The following FBLN5 variants were observed in gnomAD, a reference collection of about 807,000 sequenced individuals.
FBLN5 encodes fibulin-5.
Under a neutral mutation model 61.6 loss-of-function variants are expected in FBLN5, and 24 were observed. The observed-to-expected ratio is 0.39, with a 90% CI of 0.28 to 0.55. The LOEUF (loss-of-function observed/expected upper bound fraction) is 0.55, where lower values mean the gene tolerates loss of function less well. FBLN5 is among the 20% of genes least tolerant of loss of function. The pLI, the probability that FBLN5 is intolerant of heterozygous loss-of-function variation, is 0.65. For missense variants in FBLN5, 470 were observed against 594.1 expected, an observed-to-expected ratio of 0.79 and a Z score of 2.17; for synonymous variants, 213 against 219.8, an observed-to-expected ratio of 0.97 and a Z score of 0.27.
At chr14:91,894,269 C>T (rs1890114936) in intron 5 of FBLN5, among the ~76,000 whole-genome samples, 1 of 150,932 alleles carries the variant, frequency 6.6e-6, no homozygotes, top group Non-Finnish European at 1.5e-5. Flanking sequence ...CATGGTGGCA[C>T]ATGACTGAAA....
intron 4 of FBLN5, among the ~76,000 whole-genome samples, chr14:91,927,675 G>T (rs763527192): frequency 6.6e-6 from 1 of 152,180 alleles, no homozygotes; most frequent in Admixed American, 6.5e-5. Flanking sequence ...CCTGGCATTC[G>T]AGGCTATTTG....
At chr14:91,946,083 TC>T (rs1258928759) in intron 1 of FBLN5, among the ~76,000 whole-genome samples, 1 of 142,950 alleles carries the variant, frequency 7.0e-6, no homozygotes, top group Non-Finnish European at 1.5e-5. Flanking sequence ...ACCCCATCTT[TC>T]CCCCTACTCC....
In FBLN5 at chr14:91,907,230, C is replaced by A. The variant is rs142084026; in HGVS notation, c.380-12158G>T. 8.4e-4 allele frequency among the ~76,000 whole-genome samples: 128 copies of A among 152,210 alleles called. 1 individual carries two copies. The highest frequency in any genetic ancestry group is 3.0e-3 in the African/African-American group (125 of 41,534). On this transcript the variant is annotated intron_variant, in intron 4 of 10. Coordinates refer to ENST00000342058, the MANE Select transcript of FBLN5 (RefSeq NM_006329.4). ...CTTTAAACAGAATTGGTGCATAGTC[C>A]CCTTGTCCCTTCTCTCCTCCTTCTA...
At chr14:91,921,947 G>T (rs1445348478) in intron 4 of FBLN5, among the ~76,000 whole-genome samples, 1 of 152,198 alleles carries the variant, frequency 6.6e-6, no homozygotes, top group African/African-American at 2.4e-5. Flanking sequence ...ATGCTGGTCA[G>T]CCTAAATCAC....
chr14:91,897,688 T>C (rs1890282493), intron 4 of FBLN5, among the ~76,000 whole-genome samples: 1 of 152,218 alleles, frequency 6.6e-6, no homozygotes, highest in Non-Finnish European at 1.5e-5. Context: ...GTGCGAAGTA[T>C]TCAGGCCGAA....
chr14:91,924,712 G>C (rs985870369), intron 4 of FBLN5, among the ~76,000 whole-genome samples: 1 of 152,138 alleles, frequency 6.6e-6, no homozygotes, highest in Admixed American at 6.5e-5. Flanking sequence ...CTGTTGGGTG[G>C]AGAGATGTTA....
chr14:91,881,050 C>T (rs1412357877), intron 9 of FBLN5, among the ~76,000 whole-genome samples: 1 of 152,178 alleles, frequency 6.6e-6, no homozygotes, highest in African/African-American at 2.4e-5. Flanking sequence ...AATATTGACT[C>T]TTGCTATGTG....
rs1555376457 is a variant in FBLN5 at position 91,902,281 on chromosome 14, G to GTT, written c.380-7211_380-7210dup. ...CATGGGTTTTTTTGTTTGTTTGTTT[G>GTT]TTTTTTTTTTTTTTTTTTCAAAAAG... is the stretch of plus-strand genomic sequence containing the variant. On this transcript the variant is annotated intron_variant, in intron 4 of 10. Transcript: ENST00000342058. Among the ~76,000 whole-genome samples the GTT allele has an allele frequency of 8.9e-3, 258 of 29,058 alleles. 1 individual carries two copies. The highest frequency in any genetic ancestry group is 0.017 in the African/African-American group (239 of 14,196). 19.1% of individuals were successfully genotyped at this position (29,058 alleles called of 152,430 possible).
chr14:91,915,635 C>T (rs1273107399), intron 4 of FBLN5, among the ~76,000 whole-genome samples: 6 of 137,330 alleles, frequency 4.4e-5, no homozygotes, highest in African/African-American at 1.6e-4. Context: ...TGCAGTGAGC[C>T]GATATCACGC....
At chr14:91,927,281 C>A (rs80244030) in intron 4 of FBLN5, among the ~76,000 whole-genome samples, 1 of 152,210 alleles carries the variant, frequency 6.6e-6, no homozygotes, top group Admixed American at 6.5e-5. Context: ...TCCCTGATAA[C>A]ATAAACATCT....
intron 4 of FBLN5, among the ~76,000 whole-genome samples, chr14:91,902,377 C>T (rs1008211348): frequency 1.4e-5 from 2 of 147,752 alleles, no homozygotes; most frequent in African/African-American, 5.0e-5. Context: ...TTTCCATTTA[C>T]TAAAATTTTT....
chr14:91,939,368 C>G (rs2056070968), intron 3 of FBLN5, among the ~76,000 whole-genome samples: 1 of 138,666 alleles, frequency 7.2e-6, no homozygotes, highest in African/African-American at 2.7e-5. Flanking sequence ...GAGACAGAGT[C>G]TCTCTCTGTT....
intron 3 of FBLN5, among the ~76,000 whole-genome samples, chr14:91,939,594 G>A (rs1444277125): frequency 5.9e-5 from 9 of 152,064 alleles, no homozygotes; most frequent in African/African-American, 9.7e-5. Flanking sequence ...CACTCGCCTC[G>A]GCCTCCCAAA....
At chr14:91,941,484 A>T (rs569124789) in intron 2 of FBLN5, among the ~76,000 whole-genome samples, 2 of 152,248 alleles carry the variant, frequency 1.3e-5, no homozygotes, top group South Asian at 4.2e-4. Flanking sequence ...CCTTTTCTAC[A>T]GCTTCGGAGG....
intron 4 of FBLN5, among the ~76,000 whole-genome samples, chr14:91,932,440 GC>G (rs1566826446): frequency 6.6e-6 from 1 of 152,150 alleles, no homozygotes; most frequent in African/African-American, 2.4e-5. Context: ...GCCCGGCCCC[GC>G]CCAGCCCATG....
intron 3 of FBLN5, chr14:91,939,951 C>T (rs767255582): frequency 1.8e-5 from 8 of 453,586 alleles, no homozygotes; most frequent in South Asian, 1.2e-4. Context: ...CAGAGAGATG[C>T]TACAACAGAA....
At position 91,936,941 on chromosome 14, in the gene FBLN5, A is replaced by G. The variant is rs1470436021; in HGVS notation, c.379+6T>C. ...GCGGAGAGGAACAAAAGGCCGGGCT[A>G]CTCACCCACACATTGGTTGCTTTCA... On this transcript the variant is annotated splice_donor_region_variant and intron_variant, in intron 4 of 10. Coordinates refer to ENST00000342058, the MANE Select transcript of FBLN5 (RefSeq NM_006329.4). 6.2e-7 allele frequency: 1 copy of G among 1,614,158 alleles called. No homozygotes were observed. The highest frequency in any genetic ancestry group is 2.2e-5 in the East Asian group (1 of 44,880).
intron 7 of FBLN5, among the ~76,000 whole-genome samples, chr14:91,886,476 G>A (rs1889728993): frequency 6.6e-6 from 1 of 152,094 alleles, no homozygotes. Flanking sequence ...AAAAAAAGAG[G>A]GAGTTAATAA....
At chr14:91,934,755 TCCC>T (rs1201636227) in intron 4 of FBLN5, among the ~76,000 whole-genome samples, 1 of 152,098 alleles carries the variant, frequency 6.6e-6, no homozygotes, top group Non-Finnish European at 1.5e-5. Context: ...TTCTCAATGA[TCCC>T]CCCATCTGGT....
Sources: gnomAD v4.1 joint callset for allele counts (sites outside exome capture counted in the v4.1 genomes callset) on GRCh38, gnomAD v4.1.1 for gene constraint, MANE v1.5 for transcripts, NCBI Gene and HGNC (gene_info 2026-07-23, HGNC 2026-07-21) for gene names.